The following TRIO variants were observed in gnomAD, a reference collection of about 807,000 sequenced individuals.
The protein encoded by TRIO is trio Rho guanine nucleotide exchange factor, also known as triple functional domain protein.
Under a neutral mutation model 351.9 loss-of-function variants are expected in TRIO, and 58 were observed. That is an observed-to-expected ratio of 0.16 (90% CI 0.13 to 0.21). TRIO has a LOEUF of 0.21. Among genes scored for constraint, TRIO ranks in the 10% least tolerant of loss-of-function variants. The pLI, the probability that TRIO is intolerant of heterozygous loss-of-function variation, is 1.00. For missense variants in TRIO, 3,201 were observed against 4,027.8 expected (o/e 0.79, Z 5.56); for synonymous variants, 1,758 against 1,595.7 (o/e 1.10, Z -2.42).
chr5:14,412,044 G>GT (rs1442357991), intron 33 of TRIO, among the ~76,000 whole-genome samples: 1 of 149,160 alleles, frequency 6.7e-6, no homozygotes, highest in African/African-American at 2.5e-5. Context: ...CTGGAGTACA[G>GT]TGGCATGACC....
chr5:14,186,938 A>T (rs1790156993), intron 1 of TRIO, among the ~76,000 whole-genome samples: 1 of 152,208 alleles, frequency 6.6e-6, no homozygotes, highest in Non-Finnish European at 1.5e-5. Flanking sequence ...TTGTCATGCT[A>T]GTGTGAACCA....
chr5:14,285,329 CTG>C (rs753979677), intron 3 of TRIO, among the ~76,000 whole-genome samples: 44 of 152,212 alleles, frequency 2.9e-4, no homozygotes, highest in Non-Finnish European at 4.0e-4. Context: ...GCTTTAGACA[CTG>C]TGCTCCTCTG....
intron 39 of TRIO, 41 bp downstream of exon 39, chr5:14,472,699 A>C: frequency 6.2e-7 from 1 of 1,605,666 alleles, no homozygotes; most frequent in Non-Finnish European, 8.5e-7. Context: ...TATCAGTTCC[A>C]AGAGTTGTCA....
chr5:14,296,699 A>C (rs1367114110), intron 6 of TRIO, among the ~76,000 whole-genome samples: 1 of 152,134 alleles, frequency 6.6e-6, no homozygotes, highest in Non-Finnish European at 1.5e-5. Flanking sequence ...TGGGTCCCTC[A>C]GTTCTCTGTG....
At chr5:14,222,948 G>A (rs554277548) in intron 1 of TRIO, among the ~76,000 whole-genome samples, 1 of 152,284 alleles carries the variant, frequency 6.6e-6, no homozygotes, top group Non-Finnish European at 1.5e-5. Flanking sequence ...CCTGATTGAG[G>A]GCGTCTCCCG....
At chr5:14,264,547 T>A (rs1028108546) in intron 1 of TRIO, among the ~76,000 whole-genome samples, 4 of 152,154 alleles carry the variant, frequency 2.6e-5, no homozygotes, top group Non-Finnish European at 5.9e-5. Context: ...ATAAGCATTG[T>A]ATTATGTTTT....
intron 38 of TRIO, among the ~76,000 whole-genome samples, chr5:14,471,721 C>T (rs1418153065): frequency 6.6e-6 from 1 of 152,144 alleles, no homozygotes; most frequent in East Asian, 1.9e-4. Flanking sequence ...TCTTCTGCCA[C>T]ATGTGGTGAG....
At chr5:14,437,696 C>G (rs777724129) in intron 34 of TRIO, among the ~76,000 whole-genome samples, 21 of 92,848 alleles carry the variant, frequency 2.3e-4, no homozygotes, top group African/African-American at 1.2e-3. Flanking sequence ...ACCCCCCCCG[C>G]CCCAAGGACC....
intron 8 of TRIO, among the ~76,000 whole-genome samples, chr5:14,312,001 A>G (rs898427342): frequency 2.0e-5 from 3 of 152,184 alleles, no homozygotes; most frequent in Non-Finnish European, 4.4e-5. Flanking sequence ...GTCTTTGGGC[A>G]GTTGTTGCTT....
intron 12 of TRIO, among the ~76,000 whole-genome samples, chr5:14,358,892 A>G (rs1372756025): frequency 6.6e-6 from 1 of 152,178 alleles, no homozygotes; most frequent in Non-Finnish European, 1.5e-5. Flanking sequence ...CACTCAGGAA[A>G]ATTTATCAAA....
rs1224016341 is a variant in TRIO, at chr5:14,143,893, C to G, written c.157+11C>G. Reference sequence around the variant, plus strand: ...CCTTCTTCCGATCCGGTGAGTGCAACTGCGGCCGGCCCGCCCAGCGGCGCT... The same window carrying G: ...CCTTCTTCCGATCCGGTGAGTGCAAGTGCGGCCGGCCCGCCCAGCGGCGCT... On this transcript the variant is annotated intron_variant, in intron 1 of 56. Transcript: ENST00000344204. The G allele has an allele frequency of 9.3e-7, 1 of 1,074,002 alleles. No homozygotes were observed. The highest frequency in any genetic ancestry group is 6.2e-5 in the East Asian group (1 of 16,208). 66.5% of individuals were successfully genotyped at this position (1,074,002 alleles called of 1,614,324 possible).
At chr5:14,369,294 C>G in intron 17 of TRIO, 80 bp from the exon 18 acceptor site, 1 of 1,508,708 alleles carries the variant, frequency 6.6e-7, no homozygotes, top group Middle Eastern at 1.8e-4. Flanking sequence ...TCCCCAGAGC[C>G]CGACTGAAAG....
At chr5:14,192,252 T>C (rs960358112) in intron 1 of TRIO, among the ~76,000 whole-genome samples, 5 of 150,456 alleles carry the variant, frequency 3.3e-5, no homozygotes, top group East Asian at 1.9e-4. Context: ...CCCTTTTTTT[T>C]CCTTCTTCTT....
intron 53 of TRIO, 65 bp from the exon 54 acceptor site, chr5:14,502,514 G>C: frequency 6.4e-7 from 1 of 1,563,186 alleles, no homozygotes; most frequent in Non-Finnish European, 8.8e-7. Context: ...AGTGCGTGGC[G>C]ATAGCCTTCT....
At chr5:14,434,043 C>T (rs3789172) in intron 34 of TRIO, among the ~76,000 whole-genome samples, 2 of 152,086 alleles carry the variant, frequency 1.3e-5, no homozygotes, top group South Asian at 2.1e-4. Context: ...GCAGAAATTA[C>T]TTGTCTCATT....
intron 33 of TRIO, among the ~76,000 whole-genome samples, chr5:14,415,626 G>A (rs1381297750): frequency 6.6e-6 from 1 of 152,186 alleles, no homozygotes; most frequent in Non-Finnish European, 1.5e-5. Flanking sequence ...GGTAATTGTT[G>A]AAGGTTCACA....
At chr5:14,225,659 A>G in intron 1 of TRIO, among the ~76,000 whole-genome samples, 1 of 152,128 alleles carries the variant, frequency 6.6e-6, no homozygotes, top group East Asian at 1.9e-4. Context: ...CATCTCTCTG[A>G]CACTGCACCT....
intron 13 of TRIO, among the ~76,000 whole-genome samples, chr5:14,360,201 G>A (rs961253888): frequency 6.6e-6 from 1 of 152,156 alleles, no homozygotes; most frequent in Non-Finnish European, 1.5e-5. Context: ...TTACCTAAAC[G>A]TGGACTTTTG....
At chr5:14,389,515 T>A (rs138582457) in intron 25 of TRIO, 117 bp downstream of exon 25, 2 of 698,800 alleles carry the variant, frequency 2.9e-6, no homozygotes, top group South Asian at 4.3e-5. Context: ...TGTTTCCATT[T>A]GAATGAAGCC....
Sources: allele counts gnomAD v4.1 joint callset (sites outside exome capture counted in the v4.1 genomes callset), GRCh38; gene constraint gnomAD v4.1.1; transcripts MANE v1.5; gene names NCBI Gene and HGNC (gene_info 2026-07-23, HGNC 2026-07-21).